GNG7: variants seen among roughly 807,000 people sequenced by gnomAD.
The protein encoded by GNG7 is guanine nucleotide-binding protein G(I)/G(S)/G(O) subunit gamma-7.
A neutral mutation model predicts 4.0 loss-of-function variants in GNG7; 1 was observed. The observed-to-expected ratio is 0.25, with a 90% confidence interval of 0.09 to 1.18. GNG7 has a LOEUF of 1.18. Ranked by LOEUF, GNG7 falls within the 50% of genes most tolerant of loss-of-function variation. The probability of loss-of-function intolerance (pLI) is 0.50; values close to 1 mark genes in which losing one functional copy is unlikely to be tolerated. For missense variants in GNG7, 86 were observed against 91.9 expected, an observed-to-expected ratio of 0.94 and a Z score of 0.26; for synonymous variants, 34 against 36.9, an observed-to-expected ratio of 0.92 and a Z score of 0.29.
intron 2 of GNG7, among the ~76,000 whole-genome samples, chr19:2,563,853 A>G (rs1204656525): frequency 6.6e-6 from 1 of 152,098 alleles, no homozygotes; most frequent in Non-Finnish European, 1.5e-5. Flanking sequence ...TGAACTGTTG[A>G]GTTATTTAAA....
At chr19:2,639,807 A>G in intron 2 of GNG7, among the ~76,000 whole-genome samples, 1 of 3,174 alleles carries the variant, frequency 3.2e-4, no homozygotes, top group Non-Finnish European at 5.6e-4. Context: ...TAAGGGAGGG[A>G]AGGAGAGGGT....
At chr19:2,525,388 C>G (rs1008339367) in intron 3 of GNG7, among the ~76,000 whole-genome samples, 2 of 152,224 alleles carry the variant, frequency 1.3e-5, no homozygotes, top group African/African-American at 4.8e-5. Context: ...CCCGGCCCCG[C>G]GCTGGCCTCC....
Position 2,584,638 on chromosome 19 carries a change from AGGAGGGAG to A in GNG7, c.-77-29458_-77-29451del, listed in dbSNP as rs1368443054. ...GAAGGAAGGAGGAAGGAAGGAAGGA[AGGAGGGAG>A]GGAGGGAGGGAAGGAAGGAAAGAAG... On this transcript the variant is annotated intron_variant, in intron 2 of 4. Transcript: ENST00000382159. 4.0e-3 allele frequency among the ~76,000 whole-genome samples: 344 copies of A among 85,402 alleles called. 6 individuals carry two copies. Among genetic ancestry groups the A allele is most frequent in the African/African-American group, 0.016 (322 of 19,842 alleles). 56.0% of individuals were successfully genotyped at this position (85,402 alleles called of 152,430 possible).
intron 2 of GNG7, among the ~76,000 whole-genome samples, chr19:2,593,684 C>T (rs188819393): frequency 6.6e-6 from 1 of 150,820 alleles, no homozygotes; most frequent in African/African-American, 2.4e-5. Flanking sequence ...ACGGAGCTTG[C>T]AGTGAGCCGA....
chr19:2,576,126 GAC>G (rs1021889987), intron 2 of GNG7, among the ~76,000 whole-genome samples: 4 of 152,158 alleles, frequency 2.6e-5, no homozygotes, highest in Non-Finnish European at 5.9e-5. Flanking sequence ...GATGCATGCA[GAC>G]ACACACAGAC....
chr19:2,511,739 G>T lies in GNG7; in HGVS notation c.*3283C>A. ...GCCGGCCCGTCAAAGGGACCACGCA[G>T]AAGGAGGGAAACAGGAGCACCTTCC... On this transcript the variant is annotated 3_prime_UTR_variant, in exon 5 of 5. Transcript: ENST00000382159. This position sits in a 1 kb window ranked among gnomAD's most constrained non-coding sequence, Gnocchi z 6.3. 1.1e-6 allele frequency: 1 copy of T among 930,248 alleles called. No homozygotes were observed. The highest frequency in any genetic ancestry group is 1.2e-4 in the East Asian group (1 of 8,538). 57.6% of individuals were successfully genotyped at this position (930,248 alleles called of 1,614,324 possible). A position where few individuals can be genotyped will look rare whatever the true frequency, so the allele number is the denominator to read the frequency against.
intron 2 of GNG7, among the ~76,000 whole-genome samples, chr19:2,578,546 G>T (rs1165194839): frequency 2.0e-5 from 3 of 152,226 alleles, no homozygotes; most frequent in Non-Finnish European, 4.4e-5. Context: ...CCGCCCAGGG[G>T]CTGGGCTCAA....
chr19:2,520,706 G>A lies in GNG7; in HGVS notation c.-18C>T. 1 of 1,481,030 alleles carries A rather than the reference G, an allele frequency of 6.8e-7. No individual in the cohort carries two copies. The highest frequency in any genetic ancestry group is 9.2e-7 in the Non-Finnish European group (1 of 1,083,056). 91.7% of individuals were successfully genotyped at this position (1,481,030 alleles called of 1,614,324 possible). A position where few individuals can be genotyped will look rare whatever the true frequency, so the allele number is the denominator to read the frequency against. Reference sequence around the variant, plus strand: ...GCTGACATTGTCTGCCATCAGCTCTGGGCCCCGTTGTTCAGAGAGCTGTGG... The same window carrying A: ...GCTGACATTGTCTGCCATCAGCTCTAGGCCCCGTTGTTCAGAGAGCTGTGG... On this transcript the variant is annotated 5_prime_UTR_variant, in exon 4 of 5. Transcript: ENST00000382159.
intron 1 of GNG7, among the ~76,000 whole-genome samples, chr19:2,661,273 A>G (rs796936407): frequency 0.023 from 1,116 of 47,936 alleles, 32 homozygotes; most frequent in Middle Eastern, 0.074. Flanking sequence ...AAGAAAGAAA[A>G]GAAAGAAAGA....
At position 2,575,738 on chromosome 19, in the gene GNG7, C is replaced by CACACGCAGGCACACGCAG. The variant is rs1980303770; in HGVS notation, c.-77-20568_-77-20551dup. ...GCACACGCAGACACGCAGGCACACG[C>CACACGCAGGCACACGCAG]ACACGCAGGCACACGCAGACACGCA... On this transcript the variant is annotated intron_variant, in intron 2 of 4. Coordinates refer to ENST00000382159, the MANE Select transcript of GNG7 (RefSeq NM_052847.3). Among the ~76,000 whole-genome samples, 2 of 79,594 alleles carry CACACGCAGGCACACGCAG rather than the reference C, an allele frequency of 2.5e-5. 1 individual carries two copies. The highest frequency in any genetic ancestry group is 4.5e-5 in the Non-Finnish European group (2 of 44,220). The allele number at this position is 79,594 out of a possible 152,430, so 52.2% of individuals were successfully genotyped here.
At chr19:2,650,662 C>T (rs766664877) in intron 1 of GNG7, among the ~76,000 whole-genome samples, 14 of 152,210 alleles carry the variant, frequency 9.2e-5, no homozygotes, top group Admixed American at 2.0e-4. Flanking sequence ...GGGTCAGAGG[C>T]GAGCACAGCG....
chr19:2,663,979 C>T (rs1180507541), intron 1 of GNG7, among the ~76,000 whole-genome samples: 3 of 152,210 alleles, frequency 2.0e-5, no homozygotes, highest in Non-Finnish European at 2.9e-5. Flanking sequence ...TGTCCCCAGA[C>T]ATTACCAGTG....
chr19:2,597,512 G>T (rs1252693928), intron 2 of GNG7, among the ~76,000 whole-genome samples: 1 of 151,754 alleles, frequency 6.6e-6, no homozygotes, highest in Non-Finnish European at 1.5e-5. Flanking sequence ...CAGGAGAATC[G>T]CTTGAACCCA....
At chr19:2,639,521 TGG>T (rs1253622348) in intron 2 of GNG7, among the ~76,000 whole-genome samples, 1 of 151,798 alleles carries the variant, frequency 6.6e-6, no homozygotes, top group Non-Finnish European at 1.5e-5. Flanking sequence ...GCTGGGAGGG[TGG>T]GGAACGAGCG....
At chr19:2,691,866 C>CAAAAAA in intron 1 of GNG7, among the ~76,000 whole-genome samples, 1 of 126,012 alleles carries the variant, frequency 7.9e-6, no homozygotes, top group Non-Finnish European at 1.7e-5. Context: ...GATTGCATCT[C>CAAAAAA]AAAAAAAAAA....
chr19:2,690,425 A>G (rs113531748), intron 1 of GNG7, among the ~76,000 whole-genome samples: 1,763 of 152,288 alleles, frequency 0.012, 34 homozygotes, highest in African/African-American at 0.04. Flanking sequence ...AATCATTCTT[A>G]GCCCAGGGGC....
intron 2 of GNG7, among the ~76,000 whole-genome samples, chr19:2,563,023 C>A (rs977440416): frequency 3.3e-5 from 5 of 152,102 alleles, no homozygotes; most frequent in Admixed American, 2.0e-4. Context: ...CGGCTCACTG[C>A]AAGCTCCTCC....
At chr19:2,520,298 A>T (rs1225583639) in intron 4 of GNG7, among the ~76,000 whole-genome samples, 1 of 152,228 alleles carries the variant, frequency 6.6e-6, no homozygotes, top group Non-Finnish European at 1.5e-5. Flanking sequence ...GTCATTGCCA[A>T]GGAGCTGGAC....
chr19:2,659,921 T>C (rs1351272660), intron 1 of GNG7, among the ~76,000 whole-genome samples: 1 of 152,008 alleles, frequency 6.6e-6, no homozygotes, highest in African/African-American at 2.4e-5. Flanking sequence ...CTTGGCCAAA[T>C]GGATTTTCTG....
Sources: gnomAD v4.1 joint callset for allele counts (sites outside exome capture counted in the v4.1 genomes callset) on GRCh38, gnomAD v4.1.1 for gene constraint, Gnocchi (gnomAD v3.1) non-coding constraint, MANE v1.5 for transcripts, NCBI Gene and HGNC (gene_info 2026-07-23, HGNC 2026-07-21) for gene names.